Variants in DCAF8L2 observed in about 807,000 individuals in gnomAD.
The protein encoded by DCAF8L2 is DDB1- and CUL4-associated factor 8-like protein 2.
For synonymous variants in DCAF8L2, 200 were observed against 190.9 expected, an observed-to-expected ratio of 1.05 and a Z score of -0.39; for missense variants, 430 against 490.7, an observed-to-expected ratio of 0.88 and a Z score of 1.17.
At chrX:27,509,011 A>G in the DCAF8L2 span, among the ~76,000 whole-genome samples, 1 of 111,093 alleles carries the variant, frequency 9.0e-6, no homozygotes, top group Non-Finnish European at 1.9e-5. Flanking sequence ...ATCCTAAGAC[A>G]TTTTTGAAGA....
chrX:27,521,476 A>G, the DCAF8L2 span, among the ~76,000 whole-genome samples: 1 of 112,155 alleles, frequency 8.9e-6, no homozygotes, highest in African/African-American at 3.2e-5. Context: ...TTTAATCTCC[A>G]TAAAGCATTT....
intron 1 of DCAF8L2, among the ~76,000 whole-genome samples, chrX:27,598,974 A>ATATATAT (rs56388041): frequency 8.7e-5 from 8 of 92,186 alleles, no homozygotes; most frequent in South Asian, 5.4e-4. Context: ...AAAAAAAAAA[A>ATATATAT]ATATATATAT....
At position 27,747,670 on chromosome X, in the gene DCAF8L2, C is replaced by T. The variant is rs868568193; in HGVS notation, c.775C>T (p.Arg259Trp). The stretch of plus-strand genomic sequence containing the variant: ...AAAGGTGATAGTGTGGGACTGGGTG[C>T]GGCAGAGGCCAGTACTGAACTTTGA... Reference protein sequence around the residue: ...DLKVIVWDWVRQRPVLNFESG... With the variant: ...DLKVIVWDWVWQRPVLNFESG... The change falls in exon 5 of 5, where the codon CGG (arginine) becomes TGG (tryptophan). Residue 259 changes from arginine to tryptophan, a missense_variant. Transcript: ENST00000451261. 7.4e-6 allele frequency: 9 copies of T among 1,208,593 alleles called. No individual in the cohort carries two copies. Among genetic ancestry groups the T allele is most frequent in the African/African-American group, 5.2e-5 (3 of 57,333 alleles).
chrX:27,675,112 G>T (rs2147232962), intron 2 of DCAF8L2, among the ~76,000 whole-genome samples: 1 of 111,968 alleles, frequency 8.9e-6, no homozygotes, highest in East Asian at 2.8e-4. Flanking sequence ...CTGAAAAGGA[G>T]TAATATTTTA....
intron 1 of DCAF8L2, among the ~76,000 whole-genome samples, chrX:27,617,142 G>A (rs1316770643): frequency 1.8e-5 from 2 of 111,292 alleles, no homozygotes; most frequent in African/African-American, 6.5e-5. Flanking sequence ...TACCAGTTAT[G>A]GGGCTTCATG....
At chrX:27,670,657 C>A (rs1244742936) in intron 2 of DCAF8L2, among the ~76,000 whole-genome samples, 3 of 111,304 alleles carry the variant, frequency 2.7e-5, no homozygotes, top group Admixed American at 9.6e-5. Context: ...ATGTTGAAAT[C>A]TGATCCCCCA....
chrX:27,621,029 C>G (rs1324485843), intron 1 of DCAF8L2, among the ~76,000 whole-genome samples: 2 of 112,020 alleles, frequency 1.8e-5, no homozygotes, highest in African/African-American at 6.5e-5. Context: ...ATGGATGAAT[C>G]TTGAAGACAT....
intron 1 of DCAF8L2, among the ~76,000 whole-genome samples, chrX:27,597,510 T>G (rs1490016460): frequency 2.7e-5 from 3 of 111,634 alleles, no homozygotes; most frequent in Non-Finnish European, 5.6e-5. Context: ...GGCATTATAG[T>G]GTGATTTACT....
At chrX:27,692,266 ATTAAC>A (rs962652809) in intron 3 of DCAF8L2, among the ~76,000 whole-genome samples, 1 of 111,663 alleles carries the variant, frequency 9.0e-6, no homozygotes, top group African/African-American at 3.3e-5. Context: ...ACAGTTAAAT[ATTAAC>A]TTAATGTGAA....
intron 2 of DCAF8L2, among the ~76,000 whole-genome samples, chrX:27,653,622 G>A (rs745890509): frequency 2.1e-4 from 23 of 108,963 alleles, no homozygotes; most frequent in Non-Finnish European, 3.0e-4. Flanking sequence ...CTGAGTACAC[G>A]TATATCTAGC....
At chrX:27,578,721 C>A in the DCAF8L2 span, among the ~76,000 whole-genome samples, 1 of 110,672 alleles carries the variant, frequency 9.0e-6, no homozygotes, top group Non-Finnish European at 1.9e-5. Flanking sequence ...AAAAAAACAA[C>A]CCCATTAAAA....
intron 2 of DCAF8L2, among the ~76,000 whole-genome samples, chrX:27,640,737 G>A (rs945849670): frequency 8.9e-6 from 1 of 111,769 alleles, no homozygotes; most frequent in Non-Finnish European, 1.9e-5. Context: ...ATCTTTGTCT[G>A]CCCTTCATAT....
chrX:27,533,183 A>AG, the DCAF8L2 span, among the ~76,000 whole-genome samples: 13 of 20,715 alleles, frequency 6.3e-4, no homozygotes, highest in Admixed American at 6.3e-3. Context: ...AGAAAGAAAG[A>AG]AAGAAAGAAA....
intron 2 of DCAF8L2, among the ~76,000 whole-genome samples, chrX:27,635,072 G>C (rs1264902960): frequency 2.7e-5 from 3 of 111,075 alleles, no homozygotes; most frequent in Non-Finnish European, 5.7e-5. Flanking sequence ...TAGCTCTTAT[G>C]CGTAGTGTAA....
the DCAF8L2 span, chrX:27,518,070 A>C: frequency 1.1e-6 from 1 of 914,924 alleles, no homozygotes; most frequent in Non-Finnish European, 1.6e-6. Flanking sequence ...TTAGAGCTAA[A>C]TTCTTTCCTG....
At chrX:27,481,383 A>T in the DCAF8L2 span, among the ~76,000 whole-genome samples, 4 of 110,691 alleles carry the variant, frequency 3.6e-5, no homozygotes, top group African/African-American at 1.3e-4. Flanking sequence ...GTCTCAAAAA[A>T]ATTAATTAAT....
intron 1 of DCAF8L2, among the ~76,000 whole-genome samples, chrX:27,599,762 A>T (rs1385106095): frequency 2.7e-5 from 3 of 111,646 alleles, no homozygotes; most frequent in Non-Finnish European, 5.6e-5. Flanking sequence ...TATTTATAAA[A>T]TCCAAACCAT....
chrX:27,484,178 A>C, the DCAF8L2 span, among the ~76,000 whole-genome samples: 2 of 111,836 alleles, frequency 1.8e-5, no homozygotes, highest in African/African-American at 3.2e-5. Context: ...CAGTTACAGC[A>C]AAAAAGCAAA....
intron 3 of DCAF8L2, among the ~76,000 whole-genome samples, chrX:27,708,231 C>T (rs1461442535): frequency 9.0e-6 from 1 of 111,693 alleles, no homozygotes; most frequent in Non-Finnish European, 1.9e-5. Flanking sequence ...ATTTAGCTCT[C>T]ACTTACAAAT....
Sources: gnomAD v4.1 joint callset for allele counts (sites outside exome capture counted in the v4.1 genomes callset) on GRCh38, gnomAD v4.1.1 for gene constraint, MANE v1.5 for transcripts, NCBI Gene and HGNC (gene_info 2026-07-23, HGNC 2026-07-21) for gene names.